Variants in TIAM1 observed in about 807,000 individuals in gnomAD.
TIAM1 encodes TIAM Rac1 associated GEF 1, also known as rho guanine nucleotide exchange factor TIAM1.
A neutral mutation model predicts 163.5 loss-of-function variants in TIAM1; 65 were observed. The observed-to-expected ratio is 0.40, with a 90% CI of 0.33 to 0.49. The LOEUF is 0.49. TIAM1 is among the 20% of genes least tolerant of loss of function. TIAM1 has a pLI of 0.77. For missense variants in TIAM1, 1,789 were observed against 2,044.7 expected (o/e 0.87, Z 2.41); for synonymous variants, 833 against 810.1 (o/e 1.03, Z -0.48).
intron 10 of TIAM1, among the ~76,000 whole-genome samples, chr21:31,211,782 C>T (rs1325832980): frequency 2.0e-5 from 3 of 152,162 alleles, no homozygotes; most frequent in Non-Finnish European, 2.9e-5. Flanking sequence ...TAAATAAATG[C>T]CCCTTAGCAC....
At chr21:31,478,311 A>C (rs1410357768) in intron 1 of TIAM1, among the ~76,000 whole-genome samples, 1 of 152,206 alleles carries the variant, frequency 6.6e-6, no homozygotes, top group Non-Finnish European at 1.5e-5. Context: ...AATAGAACCA[A>C]GCTTTCTGTT....
chr21:31,368,756 G>A (rs1303680295), intron 2 of TIAM1, among the ~76,000 whole-genome samples: 3 of 152,174 alleles, frequency 2.0e-5, no homozygotes, highest in African/African-American at 7.2e-5. Flanking sequence ...TAGAGTAGCA[G>A]CAGGGGGAAA....
chr21:31,148,956 C>CTTTTTTTTTTT lies in TIAM1; in HGVS notation c.3367-1954_3367-1953insAAAAAAAAAAA, dbSNP rs869158026. Among the ~76,000 whole-genome samples, 24 of 28,880 alleles carry CTTTTTTTTTTT rather than the reference C, an allele frequency of 8.3e-4. 1 individual carries two copies. Among genetic ancestry groups the CTTTTTTTTTTT allele is most frequent in the African/African-American group, 2.1e-3 (22 of 10,724 alleles). 18.9% of individuals were successfully genotyped at this position (28,880 alleles called of 152,430 possible). ...AGTTTGAAGATTTTAACAAGTTTTT[C>CTTTTTTTTTTT]TTTTTCTTTTTTTTTTGGTCAAATA... On this transcript the variant is annotated intron_variant, in intron 19 of 27. Coordinates refer to ENST00000541036, the MANE Select transcript of TIAM1 (RefSeq NM_001353694.2).
chr21:31,291,429 C>T (rs533911372), intron 2 of TIAM1, among the ~76,000 whole-genome samples: 2 of 152,348 alleles, frequency 1.3e-5, no homozygotes, highest in African/African-American at 4.8e-5. Flanking sequence ...ACTCATATGG[C>T]TATGACCTCC....
At chr21:31,480,879 G>A (rs1007103904) in intron 1 of TIAM1, among the ~76,000 whole-genome samples, 11 of 152,182 alleles carry the variant, frequency 7.2e-5, no homozygotes, top group Admixed American at 2.6e-4. Flanking sequence ...TCAGGCTCCC[G>A]AATAGCTGTG....
At chr21:31,518,054 G>A (rs2047441924) in intron 1 of TIAM1, among the ~76,000 whole-genome samples, 1 of 152,132 alleles carries the variant, frequency 6.6e-6, no homozygotes, top group South Asian at 2.1e-4. Context: ...CTTTTCTCCC[G>A]TTAATCTGTC....
chr21:31,380,932 A>C (rs1188146787), intron 2 of TIAM1, among the ~76,000 whole-genome samples: 1 of 152,208 alleles, frequency 6.6e-6, no homozygotes. Flanking sequence ...TCCTCCCCCA[A>C]GCCCCAGCTT....
At chr21:31,466,818 C>T (rs1569356488) in intron 1 of TIAM1, among the ~76,000 whole-genome samples, 2 of 152,178 alleles carry the variant, frequency 1.3e-5, no homozygotes, top group South Asian at 2.1e-4. Flanking sequence ...ATCAAGCTAC[C>T]GTACAATAAG....
intron 2 of TIAM1, among the ~76,000 whole-genome samples, chr21:31,429,753 C>G (rs1048341857): frequency 5.9e-5 from 9 of 152,298 alleles, no homozygotes; most frequent in African/African-American, 2.2e-4. Context: ...GTGGAGTCTT[C>G]TGTGCACCGC....
chr21:31,401,183 C>T (rs993145953), intron 2 of TIAM1, among the ~76,000 whole-genome samples: 1 of 152,144 alleles, frequency 6.6e-6, no homozygotes, highest in African/African-American at 2.4e-5. Context: ...AAGATGAATT[C>T]ATATGCACTA....
At chr21:31,442,956 C>T (rs2044489459) in intron 2 of TIAM1, among the ~76,000 whole-genome samples, 1 of 152,204 alleles carries the variant, frequency 6.6e-6, no homozygotes. Context: ...CAGGTTGGAT[C>T]CAGTGTTTCA....
chr21:31,241,785 C>G (rs2071190807), intron 6 of TIAM1, among the ~76,000 whole-genome samples: 1 of 152,182 alleles, frequency 6.6e-6, no homozygotes, highest in African/African-American at 2.4e-5. Flanking sequence ...AATGGGAAGA[C>G]TGCTTGAAGC....
intron 1 of TIAM1, among the ~76,000 whole-genome samples, chr21:31,482,704 C>T (rs2046152681): frequency 6.6e-6 from 1 of 152,166 alleles, no homozygotes; most frequent in Non-Finnish European, 1.5e-5. Context: ...GACACGCCTA[C>T]CTGCCTGCCC....
intron 6 of TIAM1, among the ~76,000 whole-genome samples, chr21:31,240,351 C>T (rs985229760): frequency 1.3e-5 from 2 of 152,188 alleles, no homozygotes; most frequent in Non-Finnish European, 2.9e-5. Context: ...ACAATCTAAG[C>T]TGCATTTATT....
chr21:31,213,323 A>G (rs2086985986), intron 10 of TIAM1, 75 bp downstream of exon 10: 1 of 1,302,960 alleles, frequency 7.7e-7, no homozygotes, highest in Admixed American at 2.5e-5. Context: ...TTAGTAGCTC[A>G]AGACAACACT....
At chr21:31,369,042 T>TCCCGGCTAAAAC (rs2076547565) in intron 2 of TIAM1, among the ~76,000 whole-genome samples, 1 of 143,790 alleles carries the variant, frequency 7.0e-6, no homozygotes, top group Admixed American at 6.7e-5. Context: ...GATAGAGACA[T>TCCCGGCTAAAAC]GGTGAAACCC....
chr21:31,133,428 C>T (rs967177886), intron 23 of TIAM1, among the ~76,000 whole-genome samples: 13 of 152,196 alleles, frequency 8.5e-5, no homozygotes, highest in Non-Finnish European at 1.8e-4. Context: ...CCATTTACAC[C>T]AGGGACAGGT....
chr21:31,178,326 T>TG, intron 15 of TIAM1, among the ~76,000 whole-genome samples: 1 of 147,762 alleles, frequency 6.8e-6, no homozygotes, highest in African/African-American at 2.5e-5. Context: ...TTTTTTTTTT[T>TG]GAGACGGAGT....
intron 1 of TIAM1, among the ~76,000 whole-genome samples, chr21:31,511,549 A>T (rs1237576579): frequency 6.6e-6 from 1 of 152,186 alleles, no homozygotes; most frequent in Non-Finnish European, 1.5e-5. Flanking sequence ...TAGGAAAATC[A>T]CATGAGGCAA....
Sources: gnomAD v4.1 joint callset for allele counts (sites outside exome capture counted in the v4.1 genomes callset) on GRCh38, gnomAD v4.1.1 for gene constraint, MANE v1.5 for transcripts, NCBI Gene and HGNC (gene_info 2026-07-23, HGNC 2026-07-21) for gene names.